The following LRBA variants were observed in gnomAD, a reference collection of about 807,000 sequenced individuals.
LRBA encodes lipopolysaccharide-responsive and beige-like anchor protein.
A neutral mutation model predicts 330.0 loss-of-function variants in LRBA; 176 were observed. The ratio of observed to expected loss-of-function variants is 0.53; its 90% CI spans 0.47 to 0.60. The LOEUF (loss-of-function observed/expected upper bound fraction) is 0.60. LRBA is among the 20% of genes least tolerant of loss of function. The pLI is 0.00. For missense variants in LRBA, 3,259 were observed against 3,444.8 expected (o/e 0.95, Z 1.35); for synonymous variants, 1,230 against 1,193.0 (o/e 1.03, Z -0.64).
chr4:150,683,493 TCTAAAC>T, intron 37 of LRBA, 52 bp downstream of exon 37: 1 of 1,343,750 alleles, frequency 7.4e-7, no homozygotes, highest in Non-Finnish European at 1.1e-6. Context: ...AAGTCATTTA[TCTAAAC>T]CTAAGCCATC....
intron 2 of LRBA, among the ~76,000 whole-genome samples, chr4:150,971,373 T>G (rs899228133): frequency 1.1e-4 from 17 of 152,254 alleles, no homozygotes; most frequent in African/African-American, 3.9e-4. Flanking sequence ...AGCTATAAGG[T>G]CATCATGTAA....
At chr4:150,851,323 A>C (rs190856453) in intron 23 of LRBA, among the ~76,000 whole-genome samples, 34 of 152,326 alleles carry the variant, frequency 2.2e-4, no homozygotes, top group South Asian at 8.3e-4. Context: ...AAAACAAAAA[A>C]AAGGAGGGTG....
intron 17 of LRBA, among the ~76,000 whole-genome samples, chr4:150,877,091 A>G (rs1754122582): frequency 6.6e-6 from 1 of 151,684 alleles, no homozygotes; most frequent in African/African-American, 2.4e-5. Flanking sequence ...GTCTTTACTA[A>G]AAACACACAA....
chr4:150,460,658 G>T (rs752876830), intron 44 of LRBA, among the ~76,000 whole-genome samples: 2 of 151,758 alleles, frequency 1.3e-5, no homozygotes, highest in Non-Finnish European at 3.0e-5. Context: ...ATAGGAATCA[G>T]GAGATCATGG....
At chr4:150,900,248 C>G (rs1579140933) in intron 13 of LRBA, 31 bp from the exon 14 acceptor site, 1 of 1,539,100 alleles carries the variant, frequency 6.5e-7, no homozygotes, top group Non-Finnish European at 8.9e-7. Flanking sequence ...ACTTAGAGAA[C>G]CCCACCAGCA....
chr4:150,964,729 G>A (rs1198411200), intron 2 of LRBA, among the ~76,000 whole-genome samples: 1 of 151,850 alleles, frequency 6.6e-6, no homozygotes, highest in Non-Finnish European at 1.5e-5. Context: ...AGAGACCTTT[G>A]TTCACATGTT....
chr4:150,711,647 T>C (rs1470452698), intron 36 of LRBA, among the ~76,000 whole-genome samples: 1 of 152,202 alleles, frequency 6.6e-6, no homozygotes, highest in African/African-American at 2.4e-5. Context: ...ATTCACTACC[T>C]TCTAGAGAAT....
At chr4:150,879,287 T>C (rs1728105257) in intron 17 of LRBA, among the ~76,000 whole-genome samples, 1 of 152,090 alleles carries the variant, frequency 6.6e-6, no homozygotes, top group Admixed American at 6.6e-5. Flanking sequence ...TCCCAATAGA[T>C]GTGGAAAAAA....
At chr4:150,288,249 G>C (rs926008290) in intron 53 of LRBA, among the ~76,000 whole-genome samples, 5 of 151,792 alleles carry the variant, frequency 3.3e-5, no homozygotes, top group Admixed American at 1.3e-4. Flanking sequence ...AAAGTGCTGG[G>C]ATTACAGGCG....
intron 36 of LRBA, among the ~76,000 whole-genome samples, chr4:150,685,421 T>TATATATATATC (rs58013900): frequency 9.0e-5 from 1 of 11,110 alleles, no homozygotes; most frequent in South Asian, 5.9e-3. Flanking sequence ...TATATATATA[T>TATATATATATC]TTTTTTTTTT....
chr4:150,881,779 A>G (rs968706610), intron 17 of LRBA, among the ~76,000 whole-genome samples: 3 of 152,174 alleles, frequency 2.0e-5, no homozygotes, highest in African/African-American at 7.2e-5. Context: ...TAACTCACAA[A>G]TATCTACGGT....
chr4:151,012,808 C>CTTTTTTTTTTTTTTTTTTTTTTTT, intron 2 of LRBA: 1 of 124,576 alleles, frequency 8.0e-6, no homozygotes, highest in Non-Finnish European at 1.7e-5. Flanking sequence ...AAGTGAATTT[C>CTTTTTTTTTTTTTTTTTTTTTTTT]TTTTTTTTTT....
rs1430898933 is a variant in LRBA, at chr4:150,377,803, T to C, written c.7195-27644A>G. Among the ~76,000 whole-genome samples the C allele has an allele frequency of 7.2e-5, 11 of 152,118 alleles. No homozygotes were observed. The East Asian group carries it at 2.1e-3, about 29-fold the overall frequency. ...TTTTGTTTTGTTTTTCTTGCCAACA[T>C]GGTGAAATCCCATCTCTACTAAAAA... On this transcript the variant is annotated intron_variant, in intron 47 of 56. Coordinates refer to ENST00000651943, the MANE Select transcript of LRBA (RefSeq NM_001364905.1).
intron 40 of LRBA, among the ~76,000 whole-genome samples, chr4:150,556,381 T>C (rs891615021): frequency 6.6e-6 from 1 of 152,210 alleles, no homozygotes; most frequent in Non-Finnish European, 1.5e-5. Context: ...TTTGATTATA[T>C]GGTTAATGTC....
At chr4:150,524,931 AC>A (rs1763297962) in intron 40 of LRBA, among the ~76,000 whole-genome samples, 1 of 152,186 alleles carries the variant, frequency 6.6e-6, no homozygotes, top group Admixed American at 6.5e-5. Context: ...CCAAAGCCTG[AC>A]AGAAGTAATC....
chr4:150,726,288 T>A (rs1437783379), intron 36 of LRBA, among the ~76,000 whole-genome samples: 2 of 152,130 alleles, frequency 1.3e-5, no homozygotes, highest in Admixed American at 1.3e-4. Flanking sequence ...AGACTGAAGA[T>A]AAAGAGACGA....
intron 40 of LRBA, chr4:150,584,027 C>G (rs775358183): frequency 6.2e-6 from 10 of 1,613,212 alleles, no homozygotes; most frequent in Non-Finnish European, 8.5e-6. Flanking sequence ...AAGCCCCATT[C>G]GGCCCTGGAG....
rs1020277766 is a variant in LRBA at position 150,828,631 on chromosome 4, A to G, written c.4730-10T>C. 1 of 1,594,598 alleles carries G rather than the reference A, an allele frequency of 6.3e-7. No individual in the cohort carries two copies. Among genetic ancestry groups the G allele is most frequent in the Non-Finnish European group, 8.5e-7 (1 of 1,170,448 alleles). On this transcript the variant is annotated splice_polypyrimidine_tract_variant and intron_variant, in intron 29 of 56. Transcript: ENST00000651943. ...GCTGCTGGTGTGATTTCTATATCATACCCAGAAACACAAGAAATAAACAAA... is the reference window on the plus strand; with the variant it reads ...GCTGCTGGTGTGATTTCTATATCATGCCCAGAAACACAAGAAATAAACAAA...
At chr4:150,529,524 T>C (rs976115169) in intron 40 of LRBA, among the ~76,000 whole-genome samples, 3 of 152,126 alleles carry the variant, frequency 2.0e-5, no homozygotes, top group African/African-American at 7.2e-5. Flanking sequence ...AAGATCAGCC[T>C]GACCAACATG....
Sources: allele counts gnomAD v4.1 joint callset (sites outside exome capture counted in the v4.1 genomes callset), GRCh38; gene constraint gnomAD v4.1.1; transcripts MANE v1.5; gene names NCBI Gene and HGNC (gene_info 2026-07-23, HGNC 2026-07-21).